CCDC13: variants seen among roughly 807,000 people sequenced by gnomAD.
CCDC13 encodes coiled-coil domain containing 13.
In CCDC13, 70 loss-of-function variants were observed where a neutral mutation model predicts 87.3. The ratio of observed to expected loss-of-function variants is 0.80; its 90% CI spans 0.66 to 0.98. CCDC13 has a LOEUF of 0.98. Ranked by LOEUF, CCDC13 falls within the 50% of genes least tolerant of loss-of-function variation. The pLI, the probability that CCDC13 is intolerant of heterozygous loss-of-function variation, is 0.00. For synonymous variants in CCDC13, 317 were observed against 360.3 expected, an observed-to-expected ratio of 0.88 and a Z score of 1.36; for missense variants, 842 against 892.0, an observed-to-expected ratio of 0.94 and a Z score of 0.71.
At chr3:42,718,028 GCA>G (rs1419699448) in intron 13 of CCDC13, 2 of 152,204 alleles carry the variant, frequency 1.3e-5, no homozygotes, top group African/African-American at 4.8e-5. Context: ...TCTCTCCAAA[GCA>G]CAGTGGTTTT....
chr3:42,755,144 G>A (rs1314952210), intron 3 of CCDC13, among the ~76,000 whole-genome samples: 1 of 152,138 alleles, frequency 6.6e-6, no homozygotes, highest in African/African-American at 2.4e-5. Context: ...TAAAATATTA[G>A]TTCTACGTAG....
At chr3:42,736,051 A>T (rs914021003) in intron 9 of CCDC13, 138 bp from the exon 10 acceptor site, 4 of 741,930 alleles carry the variant, frequency 5.4e-6, no homozygotes, top group Non-Finnish European at 8.9e-6. Context: ...GAGAGGCAGG[A>T]ACACCTTCCT....
intron 3 of CCDC13, among the ~76,000 whole-genome samples, chr3:42,756,671 G>A (rs1699710540): frequency 6.6e-6 from 1 of 151,880 alleles, no homozygotes; most frequent in Non-Finnish European, 1.5e-5. Context: ...AGGCTGCTGG[G>A]CCTTTTTTAT....
At chr3:42,751,867 C>G (rs932123256) in intron 5 of CCDC13, 69 bp downstream of exon 5, 7 of 1,381,906 alleles carry the variant, frequency 5.1e-6, no homozygotes. Flanking sequence ...ACCTACACAC[C>G]TGTGGAGGAG....
intron 6 of CCDC13, chr3:42,746,697 G>T (rs1045646536): frequency 5.6e-6 from 1 of 177,854 alleles, no homozygotes; most frequent in Non-Finnish European, 1.2e-5. Context: ...GCCAGTCTGA[G>T]TGGTTCCAGC....
At chr3:42,770,028 A>C (rs7614157) in intron 1 of CCDC13, among the ~76,000 whole-genome samples, 145,289 of 152,218 alleles carry the variant, frequency 0.95, 69,720 homozygotes, top group East Asian at 1. Flanking sequence ...GTCCCATCAA[A>C]AGCCCAAGGG....
intron 1 of CCDC13, among the ~76,000 whole-genome samples, chr3:42,760,293 T>A (rs339672): frequency 0.17 from 4,601 of 27,752 alleles, 240 homozygotes; most frequent in African/African-American, 0.31. Flanking sequence ...TTCTTGTCTC[T>A]AAATAAATAA....
intron 14 of CCDC13, among the ~76,000 whole-genome samples, chr3:42,712,797 A>T (rs1270507372): frequency 1.3e-5 from 2 of 152,206 alleles, no homozygotes; most frequent in African/African-American, 4.8e-5. Flanking sequence ...TGCTTCAGCC[A>T]CTGTTGCTTG....
At chr3:42,730,671 TAGA>T in intron 12 of CCDC13, 82 bp from the exon 13 acceptor site, 1 of 1,553,360 alleles carries the variant, frequency 6.4e-7, no homozygotes, top group African/African-American at 1.4e-5. Context: ...TTGGAGGGAC[TAGA>T]AGGACATTCA....
intron 7 of CCDC13, among the ~76,000 whole-genome samples, chr3:42,743,384 A>G (rs1160346966): frequency 7.6e-6 from 1 of 131,752 alleles, no homozygotes; most frequent in South Asian, 2.5e-4. Flanking sequence ...TCAAGAAAGA[A>G]TATTTATTTA....
chr3:42,726,693 C>T (rs1698696524), intron 13 of CCDC13, among the ~76,000 whole-genome samples: 3 of 151,670 alleles, frequency 2.0e-5, no homozygotes, highest in African/African-American at 4.8e-5. Context: ...CATATACATA[C>T]ATACAAATAT....
intron 4 of CCDC13, 127 bp downstream of exon 4, chr3:42,752,448 G>A (rs1199334015): frequency 6.7e-6 from 8 of 1,191,348 alleles, no homozygotes; most frequent in Middle Eastern, 2.9e-4. Flanking sequence ...CATATACTGC[G>A]TGACTTGAGA....
chr3:42,708,748 G>A lies in CCDC13; in HGVS notation c.*232C>T. On this transcript the variant is annotated 3_prime_UTR_variant, in exon 16 of 16. Coordinates refer to ENST00000310232, the MANE Select transcript of CCDC13 (RefSeq NM_144719.4). ...CAGTGGGCTGCTGGGCCTCCCTGCT[G>A]CTGTAACCCAGCCAGCCCAGGGTCT... 1 of 438,088 alleles carries A rather than the reference G, an allele frequency of 2.3e-6. No individual in the cohort carries two copies. The highest frequency in any genetic ancestry group is 4.5e-5 in the South Asian group (1 of 22,226). 27.1% of individuals were successfully genotyped at this position (438,088 alleles called of 1,614,324 possible). A position where few individuals can be genotyped will look rare whatever the true frequency, so the allele number is the denominator to read the frequency against.
At chr3:42,734,382 T>C (rs1698933786) in intron 10 of CCDC13, among the ~76,000 whole-genome samples, 1 of 152,308 alleles carries the variant, frequency 6.6e-6, no homozygotes, top group African/African-American at 2.4e-5. Flanking sequence ...GAGGTGAAGA[T>C]GCTGGAATCT....
intron 2 of CCDC13, among the ~76,000 whole-genome samples, chr3:42,757,640 C>T (rs1207467081): frequency 6.6e-6 from 1 of 152,128 alleles, no homozygotes; most frequent in African/African-American, 2.4e-5. Context: ...ATTGCTTGAA[C>T]CCAGGAGCTT....
Position 42,737,174 on chromosome 3 carries a change from T to G in CCDC13, c.1165-1261A>C, listed in dbSNP as rs1452314004. On this transcript the variant is annotated intron_variant, in intron 9 of 15. Coordinates refer to ENST00000310232, the MANE Select transcript of CCDC13 (RefSeq NM_144719.4). ...TGAGAACATGCGGTGTTTGGTTTTC[T>G]GTCCTTGTGATAGTTTGCTGAGAAT... Among the ~76,000 whole-genome samples, 4 of 152,156 alleles carry G rather than the reference T, an allele frequency of 2.6e-5. No individual in the cohort carries two copies. In the East Asian group the frequency reaches 7.7e-4, roughly 29 times the overall value.
Position 42,709,765 on chromosome 3 carries a change from G to A in CCDC13, c.1907C>T (p.Thr636Ile), listed in dbSNP as rs1453092440. The A allele has an allele frequency of 3.1e-6, 5 of 1,614,184 alleles. No homozygotes were observed. The South Asian group carries it at 5.5e-5, about 18-fold the overall frequency. The change falls in exon 15 of 16, where the codon ACC (threonine) becomes ATC (isoleucine). Residue 636 changes from threonine to isoleucine, a missense_variant. Transcript: ENST00000310232. ...GGATGGGTCCTTCTTCTCGCTCCCG[G>A]TTGGGTTGTGCCTGTTGTTAGAGGT... ...LPTSNNRHNP[T>I]GSEKKDPSFA...
At chr3:42,705,585 C>T (rs1223749863), downstream of CCDC13, among the ~76,000 whole-genome samples, 1 of 152,200 alleles carries the variant, frequency 6.6e-6, no homozygotes, top group Non-Finnish European at 1.5e-5. Context: ...TGCCCCTCAA[C>T]CCGCCAGGGC....
intron 5 of CCDC13, among the ~76,000 whole-genome samples, chr3:42,749,091 T>A (rs1699499652): frequency 6.6e-6 from 1 of 152,144 alleles, no homozygotes; most frequent in Non-Finnish European, 1.5e-5. Context: ...TTCTTCTGTG[T>A]TCTTCCTCCT....
Sources: gnomAD v4.1 joint callset for allele counts (sites outside exome capture counted in the v4.1 genomes callset) on GRCh38, gnomAD v4.1.1 for gene constraint, MANE v1.5 for transcripts, NCBI Gene and HGNC (gene_info 2026-07-23, HGNC 2026-07-21) for gene names.